The following DDX31 variants were observed in gnomAD, a reference collection of about 807,000 sequenced individuals.
DDX31 encodes DEAD-box helicase 31.
Under a neutral mutation model 91.3 loss-of-function variants are expected in DDX31, and 70 were observed. The observed-to-expected ratio is 0.77, with a 90% CI of 0.63 to 0.94. The LOEUF is 0.94. Among genes scored for constraint, DDX31 ranks in the 40% least tolerant of loss-of-function variants. DDX31 has a pLI of 0.00. For synonymous variants in DDX31, 362 were observed against 350.6 expected (o/e 1.03, Z -0.36); for missense variants, 902 against 925.0 (o/e 0.98, Z 0.32).
intron 14 of DDX31, among the ~76,000 whole-genome samples, chr9:132,632,441 A>T (rs796203611): frequency 2.0e-5 from 3 of 152,300 alleles, no homozygotes; most frequent in African/African-American, 7.2e-5. Context: ...AGGTTAGCCT[A>T]GGAACTTAAA....
At chr9:132,654,339 G>A (rs764180487) in intron 6 of DDX31, among the ~76,000 whole-genome samples, 24 of 152,122 alleles carry the variant, frequency 1.6e-4, no homozygotes, top group Non-Finnish European at 3.1e-4. Context: ...GGCCAGGCAC[G>A]GTGGCTCACG....
In DDX31 at chr9:132,669,927, G is replaced by A; in HGVS notation, c.8C>T (p.Ala3Val). The change falls in exon 1 of 20, where the codon GCC becomes GTC. Residue 3 changes from alanine to valine, a missense_variant. Transcript: ENST00000372159. Reference sequence around the variant, plus strand: ...GTTGTCGAAGAGCGAACCGTCGGCGGCTGCCATGGTCTGCGTGGGTGACGC... The same window carrying A: ...GTTGTCGAAGAGCGAACCGTCGGCGACTGCCATGGTCTGCGTGGGTGACGC... MAAADGSLFDNPR... is the reference protein window; with the variant it reads MAVADGSLFDNPR... 1 of 1,593,188 alleles carries A rather than the reference G, an allele frequency of 6.3e-7. No homozygotes were observed. Among genetic ancestry groups the A allele is most frequent in the Non-Finnish European group, 8.5e-7 (1 of 1,170,908 alleles).
intron 1 of DDX31, chr9:132,663,609 T>C (rs1835124316): frequency 1.2e-5 from 10 of 804,068 alleles, no homozygotes; most frequent in Non-Finnish European, 1.5e-5. Context: ...CCAGTGCTTG[T>C]TATTCTGGAG....
intron 14 of DDX31, among the ~76,000 whole-genome samples, chr9:132,639,223 A>G (rs2130724829): frequency 6.6e-6 from 1 of 152,256 alleles, no homozygotes; most frequent in South Asian, 2.1e-4. Context: ...GCAAACAAGC[A>G]TGGCAGAAGA....
At chr9:132,630,515 T>G in intron 15 of DDX31, 112 bp from the exon 16 acceptor site, 1 of 1,123,004 alleles carries the variant, frequency 8.9e-7, no homozygotes, top group South Asian at 2.2e-5. Context: ...ATCCTGGTGC[T>G]ATGGTTACCC....
At chr9:132,618,765 C>T (rs1370526119) in intron 17 of DDX31, among the ~76,000 whole-genome samples, 2 of 152,234 alleles carry the variant, frequency 1.3e-5, no homozygotes, top group African/African-American at 4.8e-5. Context: ...ACATTTAAAA[C>T]ATCACTGAAC....
In DDX31 at chr9:132,594,975, A is replaced by C; in HGVS notation, c.2132T>G (p.Leu711Arg). The C allele has an allele frequency of 3.1e-6, 5 of 1,614,190 alleles. No individual in the cohort carries two copies. In the South Asian group the frequency reaches 5.5e-5, roughly 18 times the overall value. ...GGGTGTCGGCTGCAGACTGTGCTGC[A>C]GGGGCCGGCCACCAGGCTCTCCAGG... is the stretch of plus-strand genomic sequence containing the variant. ...NAPGEPGGRP[L>R]QHSLQPTPCF... is the part of the protein sequence containing the mutation. Residue 711 changes from leucine (L) to arginine (R), a missense_variant, in exon 20 of 20, where the codon CTG (leucine) becomes CGG (arginine). By Grantham distance (102) the Leu-to-Arg change is moderately radical (BLOSUM62 -2). Transcript: ENST00000372159.
At chr9:132,612,450 A>G (rs1831404485) in intron 18 of DDX31, 195 bp from the exon 19 acceptor site, 1 of 604,402 alleles carries the variant, frequency 1.7e-6, no homozygotes, top group Admixed American at 3.0e-5. Context: ...CAAAAAGAAA[A>G]AAACTACAGG....
At position 132,642,119 on chromosome 9, in the gene DDX31, T is replaced by C. The variant is rs373403118; in HGVS notation, c.1381-56A>G. The stretch of plus-strand genomic sequence containing the variant: ...AACTCAGAGACAAACTCCAGCAAGG[T>C]AGGCTTACATCTCCCTAGCTCTCTC... On this transcript the variant is annotated intron_variant, in intron 13 of 19. Transcript: ENST00000372159. 461 of 1,492,294 alleles carry C rather than the reference T, an allele frequency of 3.1e-4. 1 individual carries two copies. The highest frequency in any genetic ancestry group is 3.9e-4 in the Non-Finnish European group (415 of 1,070,564). The allele number at this position is 1,492,294 out of a possible 1,614,324, so 92.4% of individuals were successfully genotyped here.
chr9:132,653,035 T>G (rs1834309754), intron 6 of DDX31, among the ~76,000 whole-genome samples: 1 of 151,710 alleles, frequency 6.6e-6, no homozygotes, highest in African/African-American at 2.4e-5. Context: ...TCCTGGCCCA[T>G]ACAATCAGAC....
chr9:132,607,650 C>T (rs567630928), intron 19 of DDX31, among the ~76,000 whole-genome samples: 2 of 152,184 alleles, frequency 1.3e-5, no homozygotes, highest in Non-Finnish European at 2.9e-5. Context: ...CGTACTGTCA[C>T]AGTACCAAGA....
chr9:132,645,761 T>A, intron 13 of DDX31, 134 bp downstream of exon 13: 1 of 990,020 alleles, frequency 1.0e-6, no homozygotes. Flanking sequence ...CGTCTCATTC[T>A]TGACTTGCCC....
chr9:132,644,670 C>T (rs931602662), intron 13 of DDX31, among the ~76,000 whole-genome samples: 1 of 152,362 alleles, frequency 6.6e-6, no homozygotes, highest in East Asian at 1.9e-4. Context: ...CAGCTCCCCC[C>T]AACCACGCTT....
chr9:132,618,995 A>G (rs1357970373), intron 17 of DDX31, among the ~76,000 whole-genome samples: 2 of 152,184 alleles, frequency 1.3e-5, no homozygotes, highest in East Asian at 1.9e-4. Flanking sequence ...CCTCCAGCCC[A>G]TGGCCACTGT....
Position 132,646,964 on chromosome 9 carries a change from C to A in DDX31, c.1062G>T (p.Ala354=). 1.2e-6 allele frequency: 2 copies of A among 1,614,172 alleles called. No individual in the cohort carries two copies. Among genetic ancestry groups the A allele is most frequent in the Non-Finnish European group, 8.5e-7 (1 of 1,180,034 alleles). ...CTGGTGGAGGACAGACCTCCTGGAC[C>A]GCTTTGTCCTTTGGGTTCAACTGGT... ...SHDQLNPKDK[A]VQEVCPPPAG... is the part of the protein sequence containing the mutation. The change falls in exon 12 of 20, where the codon GCG becomes GCT. Residue 354 remains alanine, a synonymous_variant. Coordinates refer to ENST00000372159, the MANE Select transcript of DDX31 (RefSeq NM_022779.9).
chr9:132,638,750 C>T lies in DDX31; in HGVS notation c.1440+3254G>A, dbSNP rs143989508. Reference sequence around the variant, plus strand: ...TGTTTATAATGAAAATGAAATGAAACACACACATGCACCCTTAACTGTTCC... The same window carrying T: ...TGTTTATAATGAAAATGAAATGAAATACACACATGCACCCTTAACTGTTCC... On this transcript the variant is annotated intron_variant, in intron 14 of 19. Coordinates refer to ENST00000372159, the MANE Select transcript of DDX31 (RefSeq NM_022779.9). 3.4e-3 allele frequency among the ~76,000 whole-genome samples: 525 copies of T among 152,276 alleles called. 1 individual carries two copies. The highest frequency in any genetic ancestry group is 0.012 in the African/African-American group (495 of 41,538).
intron 1 of DDX31, among the ~76,000 whole-genome samples, chr9:132,668,789 C>T (rs1390764236): frequency 6.6e-6 from 1 of 152,136 alleles, no homozygotes; most frequent in Admixed American, 6.5e-5. Context: ...AGGATGGTCT[C>T]GATCTCCTGA....
intron 4 of DDX31, among the ~76,000 whole-genome samples, chr9:132,660,058 G>T (rs919720946): frequency 6.6e-6 from 1 of 152,112 alleles, no homozygotes; most frequent in African/African-American, 2.4e-5. Context: ...ACAGGCAGCC[G>T]ACTGCAGTGG....
intron 19 of DDX31, among the ~76,000 whole-genome samples, chr9:132,607,541 G>A (rs1831092930): frequency 6.6e-6 from 1 of 152,176 alleles, no homozygotes; most frequent in Non-Finnish European, 1.5e-5. Flanking sequence ...ACCAGTCTTA[G>A]GTACTATAAA....
Sources: gnomAD v4.1 joint callset for allele counts (sites outside exome capture counted in the v4.1 genomes callset) on GRCh38, gnomAD v4.1.1 for gene constraint, MANE v1.5 for transcripts, NCBI Gene and HGNC (gene_info 2026-07-23, HGNC 2026-07-21) for gene names.